Variants in FBLN5 observed in about 807,000 individuals in gnomAD.
The protein encoded by FBLN5 is fibulin 5, also known as fibulin-5.
Under a neutral mutation model 61.6 loss-of-function variants are expected in FBLN5, and 24 were observed. That is an observed-to-expected ratio of 0.39 (90% CI 0.28 to 0.55). The LOEUF is 0.55. FBLN5 is among the 20% of genes least tolerant of loss of function. FBLN5 has a pLI of 0.65. For synonymous variants in FBLN5, 213 were observed against 219.8 expected, an observed-to-expected ratio of 0.97 and a Z score of 0.27; for missense variants, 470 against 594.1, an observed-to-expected ratio of 0.79 and a Z score of 2.17.
At chr14:91,925,499 C>T (rs1831988213) in intron 4 of FBLN5, among the ~76,000 whole-genome samples, 1 of 152,296 alleles carries the variant, frequency 6.6e-6, no homozygotes, top group Non-Finnish European at 1.5e-5. Context: ...GGTTGCTGGG[C>T]TCCAGGGGGT....
intron 4 of FBLN5, among the ~76,000 whole-genome samples, chr14:91,918,152 AG>A: frequency 6.6e-6 from 1 of 152,348 alleles, no homozygotes. Context: ...TCTCATAACA[AG>A]ATGGGTGACC....
chr14:91,931,980 A>T (rs1220732879), intron 4 of FBLN5, among the ~76,000 whole-genome samples: 1 of 152,166 alleles, frequency 6.6e-6, no homozygotes, highest in Non-Finnish European at 1.5e-5. Context: ...CTATGTGGCC[A>T]GCTCAGAACT....
rs1372191627 is a variant in FBLN5 at position 91,911,412 on chromosome 14, A to G, written c.380-16340T>C. Among the ~76,000 whole-genome samples, 2 of 152,250 alleles carry G rather than the reference A, an allele frequency of 1.3e-5. 1 individual carries two copies. Among genetic ancestry groups the G allele is most frequent in the Non-Finnish European group, 2.9e-5 (2 of 68,046 alleles). On this transcript the variant is annotated intron_variant, in intron 4 of 10. Coordinates refer to ENST00000342058, the MANE Select transcript of FBLN5 (RefSeq NM_006329.4). ...TCATGGGGTTTTGTGAGAATCACACATAACTAAAGCTCTTTACACAGTACC... is the reference window on the plus strand; with the variant it reads ...TCATGGGGTTTTGTGAGAATCACACGTAACTAAAGCTCTTTACACAGTACC...
intron 4 of FBLN5, among the ~76,000 whole-genome samples, chr14:91,930,428 G>A (rs114546559): frequency 6.6e-4 from 100 of 152,290 alleles, no homozygotes; most frequent in African/African-American, 2.2e-3. Context: ...ACATCTGAGC[G>A]AACCCAGCTG....
chr14:91,944,208 C>G (rs140518248), intron 1 of FBLN5, among the ~76,000 whole-genome samples: 1 of 152,186 alleles, frequency 6.6e-6, no homozygotes, highest in Admixed American at 6.5e-5. Flanking sequence ...GGTACACGCT[C>G]TGAGACAAAG....
chr14:91,881,120 TACACACACAC>T (rs200128392), intron 9 of FBLN5, among the ~76,000 whole-genome samples, 162 bp downstream of exon 9: 3 of 61,552 alleles, frequency 4.9e-5, no homozygotes, highest in Admixed American at 4.3e-4. Flanking sequence ...TGTTCTATTC[TACACACACAC>T]ACACACACAC....
chr14:91,891,412 C>T lies in FBLN5; in HGVS notation c.503-75G>A, dbSNP rs1376509559. ...TGCCCCCACTAGCATGGCATGATTG[C>T]CTTGCTCTTCCCAAACAGGATCATG... On this transcript the variant is annotated intron_variant, in intron 5 of 10. Coordinates refer to ENST00000342058, the MANE Select transcript of FBLN5 (RefSeq NM_006329.4). The T allele has an allele frequency of 2.6e-5, 24 of 929,038 alleles. No homozygotes were observed. In the East Asian group the frequency reaches 4.8e-4, roughly 19 times the overall value. The allele number at this position is 929,038 out of a possible 1,614,324, so 57.5% of individuals were successfully genotyped here.
chr14:91,875,059 G>A (rs1381412928), intron 10 of FBLN5, among the ~76,000 whole-genome samples: 1 of 152,060 alleles, frequency 6.6e-6, no homozygotes, highest in Non-Finnish European at 1.5e-5. Context: ...TGAACTCCCG[G>A]GCTCCAGGGA....
chr14:91,887,492 G>A (rs1007385485), intron 6 of FBLN5, among the ~76,000 whole-genome samples, 180 bp from the exon 7 acceptor site: 1 of 152,058 alleles, frequency 6.6e-6, no homozygotes, highest in Non-Finnish European at 1.5e-5. Flanking sequence ...TTCACTTAAG[G>A]ACCGGGGCCT....
chr14:91,919,438 A>G (rs1294838147), intron 4 of FBLN5, among the ~76,000 whole-genome samples: 1 of 127,524 alleles, frequency 7.8e-6, no homozygotes, highest in Admixed American at 7.8e-5. Flanking sequence ...AGGAAGGATT[A>G]CCAGGGGTCT....
chr14:91,914,507 A>G (rs571067141), intron 4 of FBLN5, among the ~76,000 whole-genome samples: 1 of 149,410 alleles, frequency 6.7e-6, no homozygotes, highest in Non-Finnish European at 1.5e-5. Context: ...AAAAACAACA[A>G]ATATTAGCTG....
chr14:91,885,752 T>C (rs1889699942), intron 7 of FBLN5, among the ~76,000 whole-genome samples: 1 of 152,142 alleles, frequency 6.6e-6, no homozygotes, highest in African/African-American at 2.4e-5. Flanking sequence ...GCCTATGCAG[T>C]AGGGCAATAA....
chr14:91,887,140 C>T (rs1889760885), intron 7 of FBLN5, 53 bp downstream of exon 7: 3 of 1,608,318 alleles, frequency 1.9e-6, no homozygotes, highest in Non-Finnish European at 2.6e-6. Flanking sequence ...GCCCTTCAAC[C>T]CCTGCCCAGG....
intron 4 of FBLN5, among the ~76,000 whole-genome samples, chr14:91,914,388 G>A (rs1268144464): frequency 1.3e-5 from 2 of 148,588 alleles, no homozygotes; most frequent in Non-Finnish European, 3.0e-5. Flanking sequence ...TGAGGCAGGA[G>A]AATGGCATGA....
chr14:91,939,337 ATTTTT>A, intron 3 of FBLN5, among the ~76,000 whole-genome samples: 1 of 115,728 alleles, frequency 8.6e-6, no homozygotes, highest in African/African-American at 3.2e-5. Flanking sequence ...ACCTCCATTA[ATTTTT>A]TTTTTTTTTT....
At chr14:91,946,667 C>T (rs1168986217) in intron 1 of FBLN5, 1 of 1,441,134 alleles carries the variant, frequency 6.9e-7, no homozygotes. Flanking sequence ...GATTACTTAA[C>T]TGTAATTGCA....
chr14:91,928,208 C>T (rs2055861840), intron 4 of FBLN5, among the ~76,000 whole-genome samples: 1 of 152,234 alleles, frequency 6.6e-6, no homozygotes, highest in African/African-American at 2.4e-5. Flanking sequence ...CCTAGGCAAT[C>T]CAGGTGGGAA....
chr14:91,906,906 C>T (rs941768392), intron 4 of FBLN5, among the ~76,000 whole-genome samples: 1 of 152,338 alleles, frequency 6.6e-6, no homozygotes, highest in Non-Finnish European at 1.5e-5. Context: ...CACACAGGCC[C>T]TGTCTGTTTA....
chr14:91,890,285 T>C (rs1332520189), intron 6 of FBLN5, among the ~76,000 whole-genome samples: 2 of 152,202 alleles, frequency 1.3e-5, no homozygotes, highest in African/African-American at 4.8e-5. Flanking sequence ...GGAGACCTAA[T>C]AGCCTCCAAA....
Sources: allele counts gnomAD v4.1 joint callset (sites outside exome capture counted in the v4.1 genomes callset), GRCh38; gene constraint gnomAD v4.1.1; transcripts MANE v1.5; gene names NCBI Gene and HGNC (gene_info 2026-07-23, HGNC 2026-07-21).